The following SULT2B1 variants were observed in gnomAD, a reference collection of about 807,000 sequenced individuals.
The protein encoded by SULT2B1 is sulfotransferase 2B1.
Under a neutral mutation model 33.2 loss-of-function variants are expected in SULT2B1, and 16 were observed. That is an observed-to-expected ratio of 0.48 (90% CI 0.33 to 0.73). SULT2B1 has a LOEUF of 0.73. Ranked by LOEUF, SULT2B1 falls within the 30% of genes least tolerant of loss-of-function variation. The probability of loss-of-function intolerance (pLI) is 0.02; values close to 1 mark genes in which losing one functional copy is unlikely to be tolerated. For missense variants in SULT2B1, 500 were observed against 506.0 expected (o/e 0.99, Z 0.11); for synonymous variants, 186 against 200.5 (o/e 0.93, Z 0.61).
At chr19:48,580,043 C>T (rs1213690675) in intron 2 of SULT2B1, among the ~76,000 whole-genome samples, 1 of 151,652 alleles carries the variant, frequency 6.6e-6, no homozygotes, top group African/African-American at 2.4e-5. Context: ...CCCACCTGAG[C>T]CTCCTGAGTA....
At chr19:48,579,314 G>T (rs549258461) in intron 2 of SULT2B1, among the ~76,000 whole-genome samples, 1 of 141,644 alleles carries the variant, frequency 7.1e-6, no homozygotes, top group Admixed American at 7.5e-5. Context: ...ACGGAGTCTC[G>T]CTCTGTCGCC....
At chr19:48,566,885 C>T (rs1421200709) in intron 1 of SULT2B1, among the ~76,000 whole-genome samples, 2 of 151,872 alleles carry the variant, frequency 1.3e-5, no homozygotes, top group African/African-American at 2.4e-5. Flanking sequence ...CACCTGTAAT[C>T]CCAGCTTCTT....
At chr19:48,589,444 G>A (rs1568412656) in intron 3 of SULT2B1, among the ~76,000 whole-genome samples, 1 of 152,100 alleles carries the variant, frequency 6.6e-6, no homozygotes, top group Non-Finnish European at 1.5e-5. Context: ...GGGCTGACAC[G>A]TCCATTTGCA....
chr19:48,576,143 G>A lies in SULT2B1; in HGVS notation c.214+60G>A, dbSNP rs935247427. On this transcript the variant is annotated intron_variant, in intron 2 of 6. Coordinates refer to ENST00000201586, the MANE Select transcript of SULT2B1 (RefSeq NM_177973.2). ...AGAGTGGGGAGGGGGTGCGGCAGAG[G>A]ACAGGAAAGGCACATAGAGAAGGAG... 1.3e-5 allele frequency: 18 copies of A among 1,428,310 alleles called. No individual in the cohort carries two copies. The Admixed American group carries it at 2.2e-4, about 18-fold the overall frequency. 88.5% of individuals were successfully genotyped at this position (1,428,310 alleles called of 1,614,324 possible).
At chr19:48,558,558 G>C (rs1973133614) in intron 1 of SULT2B1, among the ~76,000 whole-genome samples, 1 of 152,138 alleles carries the variant, frequency 6.6e-6, no homozygotes, top group Admixed American at 6.6e-5. Context: ...GGCGAGGAGG[G>C]GCCAGCTCTG....
In SULT2B1 at chr19:48,587,335, T is replaced by C; in HGVS notation, c.321T>C (p.Ile107=). 6.2e-7 allele frequency: 1 copy of C among 1,613,912 alleles called. No individual in the cohort carries two copies. The stretch of plus-strand genomic sequence containing the variant: ...AGCGGGCACCCTGGTGTGAGACCAT[T>C]GTGGGTGCCTTCAGCCTCCCGGACC... ...IWERAPWCET[I]VGAFSLPDQY... The change falls in exon 3 of 7, where the codon ATT becomes ATC. Residue 107 remains isoleucine, a synonymous_variant. Coordinates refer to ENST00000201586, the MANE Select transcript of SULT2B1 (RefSeq NM_177973.2).
At chr19:48,575,800 G>A in intron 1 of SULT2B1, 141 bp from the exon 2 acceptor site, 3 of 1,435,752 alleles carry the variant, frequency 2.1e-6, no homozygotes, top group Non-Finnish European at 2.8e-6. Context: ...AAGTTTATAG[G>A]GACAGTGTCA....
chr19:48,587,066 C>T (rs899619933), intron 2 of SULT2B1, among the ~76,000 whole-genome samples, 163 bp from the exon 3 acceptor site: 7 of 151,778 alleles, frequency 4.6e-5, no homozygotes, highest in Admixed American at 3.9e-4. Context: ...GAGCCGAGAT[C>T]GCGCCATTGC....
chr19:48,589,905 A>G (rs1292451887), intron 3 of SULT2B1, among the ~76,000 whole-genome samples: 1 of 152,214 alleles, frequency 6.6e-6, no homozygotes, highest in Non-Finnish European at 1.5e-5. Flanking sequence ...GGCTGCAGTG[A>G]GCCATGATTG....
intron 1 of SULT2B1, among the ~76,000 whole-genome samples, chr19:48,554,857 A>C (rs921613992): frequency 6.6e-6 from 1 of 151,462 alleles, no homozygotes; most frequent in African/African-American, 2.4e-5. Context: ...AGAGAGGTTG[A>C]GTAACTTGCC....
chr19:48,559,722 CGGAGGCCT>C (rs570605670), intron 1 of SULT2B1, among the ~76,000 whole-genome samples: 92 of 151,840 alleles, frequency 6.1e-4, no homozygotes, highest in African/African-American at 2.1e-3. Flanking sequence ...TCGCCTTGCC[CGGAGGCCT>C]GGAGTGGAGG....
At chr19:48,579,341 G>A (rs1272868367) in intron 2 of SULT2B1, among the ~76,000 whole-genome samples, 1 of 147,774 alleles carries the variant, frequency 6.8e-6, no homozygotes. Context: ...GGAGTGCAGT[G>A]GCGTGACCTT....
Position 48,576,079 on chromosome 19 carries a change from G to A in SULT2B1, c.210G>A (p.Lys70=). Residue 70 remains lysine (K), a synonymous_variant, in exon 2 of 7, where the codon AAG becomes AAA. Transcript: ENST00000201586. ...DDDIFIITYP[K]SGTTWMIEII... is the part of the protein sequence containing the mutation. ...ACATCTTTATCATCACCTACCCCAA[G>A]TCAGGTACCTGCCGGGCTGCGGGCG... The A allele has an allele frequency of 6.2e-7, 1 of 1,609,580 alleles. No homozygotes were observed. Among genetic ancestry groups the A allele is most frequent in the South Asian group, 1.1e-5 (1 of 91,012 alleles).
chr19:48,560,638 TATC>T (rs1973163436), intron 1 of SULT2B1, among the ~76,000 whole-genome samples: 1 of 152,060 alleles, frequency 6.6e-6, no homozygotes, highest in South Asian at 2.1e-4. Context: ...CTATCTGAAA[TATC>T]ATTTCCACAT....
chr19:48,575,823 A>C, intron 1 of SULT2B1, 118 bp from the exon 2 acceptor site: 1 of 1,507,704 alleles, frequency 6.6e-7, no homozygotes, highest in Non-Finnish European at 8.9e-7. Context: ...ACTTTACAGA[A>C]GAGGGACTGA....
chr19:48,557,048 A>G (rs377353492), intron 1 of SULT2B1, among the ~76,000 whole-genome samples: 1 of 152,036 alleles, frequency 6.6e-6, no homozygotes, highest in Non-Finnish European at 1.5e-5. Flanking sequence ...CCAGGAGTTC[A>G]AGACCAGACT....
At chr19:48,576,359 C>CTTTTTTTTCTTTTTTTTTTT (rs1973408270) in intron 2 of SULT2B1, among the ~76,000 whole-genome samples, 1 of 96,716 alleles carries the variant, frequency 1.0e-5, no homozygotes, top group African/African-American at 4.3e-5. Flanking sequence ...CTCTACTTCT[C>CTTTTTTTTCTTTTTTTTTTT]TTTTTTTTTT....
chr19:48,583,808 A>G (rs1421910613), intron 2 of SULT2B1, among the ~76,000 whole-genome samples: 1 of 141,506 alleles, frequency 7.1e-6, no homozygotes, highest in African/African-American at 2.6e-5. Context: ...ACAGAGCCAG[A>G]CTGTCTCAAA....
At position 48,576,106 on chromosome 19, in the gene SULT2B1, C is replaced by T. The variant is rs16982150; in HGVS notation, c.214+23C>T. 332 of 1,186,402 alleles carry T rather than the reference C, an allele frequency of 2.8e-4. 1 individual carries two copies. The African/African-American group carries it at 4.5e-3, about 16-fold the overall frequency. 73.5% of individuals were successfully genotyped at this position (1,186,402 alleles called of 1,614,324 possible). On this transcript the variant is annotated intron_variant, in intron 2 of 6. Transcript: ENST00000201586. Reference sequence around the variant, plus strand: ...CAGGTACCTGCCGGGCTGCGGGCGTCGGGGGCTGGGGAGAGTGGGGAGGGG... The same window carrying T: ...CAGGTACCTGCCGGGCTGCGGGCGTTGGGGGCTGGGGAGAGTGGGGAGGGG...
Sources: allele counts gnomAD v4.1 joint callset (sites outside exome capture counted in the v4.1 genomes callset), GRCh38; gene constraint gnomAD v4.1.1; transcripts MANE v1.5; gene names NCBI Gene and HGNC (gene_info 2026-07-23, HGNC 2026-07-21).